Variants in EPG5 observed in about 807,000 individuals in gnomAD.
EPG5 encodes ectopic P-granules 5 autophagy tethering factor.
In EPG5, 159 loss-of-function variants were observed where a neutral mutation model predicts 302.7. The ratio of observed to expected loss-of-function variants is 0.53; its 90% confidence interval spans 0.46 to 0.60. EPG5 has a LOEUF of 0.60. EPG5 is among the 20% of genes least tolerant of loss of function. EPG5 has a pLI of 0.00. For missense variants in EPG5, 2,896 were observed against 3,092.4 expected (o/e 0.94, Z 1.51); for synonymous variants, 1,158 against 1,136.8 (o/e 1.02, Z -0.37).
chr18:45,915,832 T>C (rs1182939660), intron 19 of EPG5, among the ~76,000 whole-genome samples, 177 bp downstream of exon 19: 1 of 152,192 alleles, frequency 6.6e-6, no homozygotes, highest in African/African-American at 2.4e-5. Context: ...CCTTTCCAAC[T>C]TCCCTAGGGT....
intron 39 of EPG5, among the ~76,000 whole-genome samples, chr18:45,864,850 T>C (rs1359654848): frequency 6.6e-6 from 1 of 152,260 alleles, no homozygotes; most frequent in Non-Finnish European, 1.5e-5. Flanking sequence ...TCTCTTTTCC[T>C]GCATAAACAT....
At chr18:45,841,575 G>A in the EPG5 span, among the ~76,000 whole-genome samples, 14 of 152,172 alleles carry the variant, frequency 9.2e-5, no homozygotes, top group Admixed American at 8.5e-4. Flanking sequence ...CAGGGGTGGC[G>A]GTGGGGAAGT....
At chr18:45,902,899 G>C (rs1392379034) in intron 25 of EPG5, among the ~76,000 whole-genome samples, 1 of 152,208 alleles carries the variant, frequency 6.6e-6, no homozygotes, top group African/African-American at 2.4e-5. Flanking sequence ...GCTCAATAGG[G>C]ATAACCTAAC....
At chr18:45,929,267 G>A (rs1231726593) in intron 12 of EPG5, among the ~76,000 whole-genome samples, 4 of 152,096 alleles carry the variant, frequency 2.6e-5, no homozygotes, top group Non-Finnish European at 2.9e-5. Context: ...ATATCCCAAA[G>A]TCTGTCGGTA....
chr18:45,818,923 G>T, the EPG5 span, among the ~76,000 whole-genome samples: 10 of 151,948 alleles, frequency 6.6e-5, no homozygotes, highest in Admixed American at 2.6e-4. Context: ...TAGTAGGGAT[G>T]GGGTTTCACC....
intron 19 of EPG5, 37 bp from the exon 20 acceptor site, chr18:45,915,658 TA>T: frequency 6.6e-7 from 1 of 1,519,664 alleles, no homozygotes; most frequent in Non-Finnish European, 9.1e-7. Context: ...GAGGAGGTTT[TA>T]AGGAAAATCT....
At chr18:45,898,560 C>G (rs2049531639) in intron 27 of EPG5, among the ~76,000 whole-genome samples, 1 of 152,206 alleles carries the variant, frequency 6.6e-6, no homozygotes, top group South Asian at 2.1e-4. Flanking sequence ...GTTTCAGTCA[C>G]ATTGTTGCAT....
intron 6 of EPG5, among the ~76,000 whole-genome samples, chr18:45,947,507 G>A (rs996991311): frequency 1.1e-4 from 17 of 152,108 alleles, no homozygotes; most frequent in African/African-American, 3.6e-4. Flanking sequence ...TATCTACCAC[G>A]TGCAGGAGCA....
chr18:45,953,566 T>C (rs1293711804), intron 2 of EPG5: 2 of 985,356 alleles, frequency 2.0e-6, no homozygotes, highest in East Asian at 1.1e-4. Flanking sequence ...CTCTTCTTCC[T>C]TGCCATCTCT....
At chr18:45,894,412 C>T (rs1315707230) in intron 27 of EPG5, among the ~76,000 whole-genome samples, 1 of 151,928 alleles carries the variant, frequency 6.6e-6, no homozygotes, top group Non-Finnish European at 1.5e-5. Context: ...GTGAGTGCCA[C>T]TGCACTCTAG....
chr18:45,913,130 T>C (rs1482548348), intron 21 of EPG5, among the ~76,000 whole-genome samples: 3 of 151,844 alleles, frequency 2.0e-5, no homozygotes, highest in Admixed American at 2.0e-4. Context: ...AAAATGTCAC[T>C]ATGTGACTGT....
chr18:45,906,597 C>A (rs2049756737), intron 24 of EPG5, among the ~76,000 whole-genome samples: 1 of 152,096 alleles, frequency 6.6e-6, no homozygotes, highest in African/African-American at 2.4e-5. Context: ...CAGGCCCAAT[C>A]CAAATCAGGG....
At chr18:45,929,264 A>G (rs747452507) in intron 12 of EPG5, among the ~76,000 whole-genome samples, 11 of 152,210 alleles carry the variant, frequency 7.2e-5, no homozygotes, top group Non-Finnish European at 1.3e-4. Context: ...AGTATATCCC[A>G]AAGTCTGTCG....
the EPG5 span, among the ~76,000 whole-genome samples, chr18:45,806,586 T>A: frequency 7.5e-6 from 1 of 132,914 alleles, no homozygotes; most frequent in African/African-American, 2.9e-5. Context: ...ACACCCCAAC[T>A]GGGGAAACTG....
chr18:45,919,242 A>T (rs2050097917), intron 16 of EPG5, among the ~76,000 whole-genome samples: 1 of 152,198 alleles, frequency 6.6e-6, no homozygotes, highest in Non-Finnish European at 1.5e-5. Context: ...ATATTCCAGT[A>T]CACCTAATCC....
chr18:45,882,589 C>T, intron 30 of EPG5, 102 bp from the exon 31 acceptor site: 2 of 805,494 alleles, frequency 2.5e-6, no homozygotes, highest in South Asian at 4.1e-5. Flanking sequence ...AAAAATTACC[C>T]AGCATTTTAT....
Position 45,912,271 on chromosome 18 carries a change from A to G in EPG5, c.3983+19T>C, listed in dbSNP as rs1313665767. 3 of 1,552,082 alleles carry G rather than the reference A, an allele frequency of 1.9e-6. No homozygotes were observed. Among genetic ancestry groups the G allele is most frequent in the Non-Finnish European group, 1.7e-6 (2 of 1,152,446 alleles). On this transcript the variant is annotated intron_variant, in intron 22 of 43. Coordinates refer to ENST00000282041, the MANE Select transcript of EPG5 (RefSeq NM_020964.3). ...GGCAGAAATGGACTCACAGAAACCT[A>G]CAATACTGGGCAGCATACCCATACT...
the EPG5 span, among the ~76,000 whole-genome samples, chr18:45,832,534 G>C: frequency 6.6e-6 from 1 of 152,214 alleles, no homozygotes; most frequent in Non-Finnish European, 1.5e-5. Flanking sequence ...AATGGCCAGA[G>C]GTGGAATTGC....
intron 30 of EPG5, 123 bp downstream of exon 30, chr18:45,884,494 A>C: frequency 2.6e-6 from 2 of 771,592 alleles, no homozygotes; most frequent in Non-Finnish European, 4.0e-6. Flanking sequence ...ACTGTGAAAA[A>C]GGCCTCTCAG....
Sources: gnomAD v4.1 joint callset for allele counts (sites outside exome capture counted in the v4.1 genomes callset) on GRCh38, gnomAD v4.1.1 for gene constraint, MANE v1.5 for transcripts, NCBI Gene and HGNC (gene_info 2026-07-23, HGNC 2026-07-21) for gene names.